Variants in PITPNC1 observed in about 807,000 individuals in gnomAD.
PITPNC1 encodes the protein cytoplasmic phosphatidylinositol transfer protein 1.
In PITPNC1, 18 loss-of-function variants were observed where a neutral mutation model predicts 44.7. That is an observed-to-expected ratio of 0.40 (90% CI 0.28 to 0.60). PITPNC1 has a LOEUF of 0.60. PITPNC1 is among the 20% of genes least tolerant of loss of function. The pLI is 0.39. For missense variants in PITPNC1, 290 were observed against 418.4 expected, an observed-to-expected ratio of 0.69 and a Z score of 2.68; for synonymous variants, 141 against 149.6, an observed-to-expected ratio of 0.94 and a Z score of 0.42.
At chr17:67,567,160 T>C (rs1256484462) in intron 4 of PITPNC1, among the ~76,000 whole-genome samples, 1 of 152,182 alleles carries the variant, frequency 6.6e-6, no homozygotes, top group Non-Finnish European at 1.5e-5. Context: ...CTTTGGATTG[T>C]CATTTTGACC....
intron 4 of PITPNC1, among the ~76,000 whole-genome samples, chr17:67,561,851 C>T (rs984926589): frequency 3.3e-5 from 5 of 152,238 alleles, no homozygotes; most frequent in African/African-American, 9.6e-5. Context: ...CTGCCTCAGC[C>T]TCCCAAAGTG....
intron 1 of PITPNC1, among the ~76,000 whole-genome samples, chr17:67,531,067 A>G (rs1037001230): frequency 2.0e-5 from 3 of 152,068 alleles, no homozygotes; most frequent in Admixed American, 2.0e-4. Context: ...ACATGGTGAG[A>G]CCCTGTCTCT....
intron 2 of PITPNC1, among the ~76,000 whole-genome samples, chr17:67,534,505 G>A (rs1004790901): frequency 6.6e-5 from 10 of 152,036 alleles, no homozygotes; most frequent in Non-Finnish European, 1.3e-4. Context: ...GGGCATGGTG[G>A]TGCGCACCTA....
At position 67,627,825 on chromosome 17, in the gene PITPNC1, A is replaced by C. The variant is rs538213393; in HGVS notation, c.367-4318A>C. Among the ~76,000 whole-genome samples the C allele has an allele frequency of 2.0e-5, 3 of 152,312 alleles. No individual in the cohort carries two copies. In the East Asian group the frequency reaches 5.8e-4, roughly 29 times the overall value. On this transcript the variant is annotated intron_variant, in intron 5 of 8. Coordinates refer to ENST00000581322, the MANE Select transcript of PITPNC1 (RefSeq NM_012417.4). Reference sequence around the variant, plus strand: ...TCAGCCTTGGTTTTCTCATCTGAAAAGCAGGAATAATATTAATATGGGCAT... The same window carrying C: ...TCAGCCTTGGTTTTCTCATCTGAAACGCAGGAATAATATTAATATGGGCAT...
At chr17:67,501,921 T>C (rs1375115299) in intron 1 of PITPNC1, among the ~76,000 whole-genome samples, 1 of 152,210 alleles carries the variant, frequency 6.6e-6, no homozygotes, top group Non-Finnish European at 1.5e-5. Flanking sequence ...GCTTTGTCGG[T>C]GCCTCAGTTT....
chr17:67,549,336 C>T (rs2040726778), intron 2 of PITPNC1, among the ~76,000 whole-genome samples: 1 of 152,144 alleles, frequency 6.6e-6, no homozygotes, highest in Non-Finnish European at 1.5e-5. Flanking sequence ...AAGATTGCGC[C>T]ACTGCACTCT....
At chr17:67,414,122 G>A (rs918894722) in intron 1 of PITPNC1, among the ~76,000 whole-genome samples, 1 of 150,604 alleles carries the variant, frequency 6.6e-6, no homozygotes, top group African/African-American at 2.4e-5. Context: ...TAGAGAGAAT[G>A]GTGTGTTGGA....
intron 1 of PITPNC1, among the ~76,000 whole-genome samples, chr17:67,386,213 C>T (rs550817947): frequency 1.3e-5 from 2 of 152,294 alleles, no homozygotes; most frequent in South Asian, 2.1e-4. Flanking sequence ...TATTTTGAGA[C>T]GGAGTTTTGC....
chr17:67,575,814 CTT>C (rs1491470842), intron 4 of PITPNC1, among the ~76,000 whole-genome samples: 1 of 118,258 alleles, frequency 8.5e-6, no homozygotes, highest in East Asian at 2.6e-4. Context: ...TTCTTTCTTT[CTT>C]TCTTTCCTTC....
chr17:67,618,986 G>C (rs1034271420), intron 5 of PITPNC1, among the ~76,000 whole-genome samples: 1 of 152,026 alleles, frequency 6.6e-6, no homozygotes, highest in Non-Finnish European at 1.5e-5. Context: ...GTGAACCCGG[G>C]AGGTGGATCT....
chr17:67,686,012 G>T (rs955032557), intron 8 of PITPNC1, among the ~76,000 whole-genome samples: 1 of 151,626 alleles, frequency 6.6e-6, no homozygotes, highest in African/African-American at 2.4e-5. Context: ...TGTATTTTTA[G>T]TAGAGACGGT....
chr17:67,676,139 G>A lies in PITPNC1; in HGVS notation c.682+597G>A, dbSNP rs1014465726. The stretch of plus-strand genomic sequence containing the variant: ...GGAGAATGGCATGAACCTGGGAGGC[G>A]GAGTTTGCAGTGAGCCGAGATCGCA... On this transcript the variant is annotated intron_variant, in intron 8 of 8. Coordinates refer to ENST00000581322, the MANE Select transcript of PITPNC1 (RefSeq NM_012417.4). This position sits in a 1 kb window ranked among gnomAD's most constrained non-coding sequence, Gnocchi z 4.0. Among the ~76,000 whole-genome samples the A allele has an allele frequency of 3.3e-5, 5 of 151,716 alleles. No homozygotes were observed. Among genetic ancestry groups the A allele is most frequent in the Non-Finnish European group, 2.9e-5 (2 of 67,924 alleles).
At chr17:67,442,389 A>G (rs2039028590) in intron 1 of PITPNC1, among the ~76,000 whole-genome samples, 1 of 150,976 alleles carries the variant, frequency 6.6e-6, no homozygotes, top group Non-Finnish European at 1.5e-5. Flanking sequence ...AAGCCCGCCC[A>G]GTGGATGAGG....
Position 67,692,705 on chromosome 17 carries a change from T to G in PITPNC1, c.816T>G (p.Pro272=). ...PLLPSSVRSA[P]SSAPSTPLST... ...TGCCTTCTTCCGTCCGCAGTGCGCC[T>G]TCTAGTGCTCCATCCACCCCTCTCT... The change falls in exon 9 of 9, where the codon CCT becomes CCG. Residue 272 remains proline (P), a synonymous_variant. Transcript: ENST00000581322. 6.2e-7 allele frequency: 1 copy of G among 1,613,852 alleles called. No individual in the cohort carries two copies. The highest frequency in any genetic ancestry group is 8.5e-7 in the Non-Finnish European group (1 of 1,179,812).
Position 67,511,024 on chromosome 17 carries a change from T to C in PITPNC1, c.49-21778T>C, listed in dbSNP as rs115809338. On this transcript the variant is annotated intron_variant, in intron 1 of 8. Transcript: ENST00000581322. ...TAATTGCCATTAACAATGGACAATATATTTTTTTAGATTTTTCTTTTTCTA... is the reference window on the plus strand; with the variant it reads ...TAATTGCCATTAACAATGGACAATACATTTTTTTAGATTTTTCTTTTTCTA... 5.8e-3 allele frequency among the ~76,000 whole-genome samples: 876 copies of C among 152,232 alleles called. 7 individuals carry two copies. The highest frequency in any genetic ancestry group is 0.02 in the African/African-American group (822 of 41,532).
intron 1 of PITPNC1, among the ~76,000 whole-genome samples, chr17:67,443,738 G>A (rs1023119111): frequency 2.7e-5 from 4 of 150,024 alleles, no homozygotes; most frequent in Non-Finnish European, 4.4e-5. Context: ...GGGTTCAAGC[G>A]ATTCTCCTGC....
chr17:67,387,024 G>A (rs914130899), intron 1 of PITPNC1, among the ~76,000 whole-genome samples: 1 of 152,188 alleles, frequency 6.6e-6, no homozygotes, highest in African/African-American at 2.4e-5. Flanking sequence ...CAAACCAATC[G>A]TATCTGGAAA....
chr17:67,396,200 A>C (rs1452104997), intron 1 of PITPNC1, among the ~76,000 whole-genome samples: 1 of 152,146 alleles, frequency 6.6e-6, no homozygotes, highest in African/African-American at 2.4e-5. Context: ...GTCCAAATGG[A>C]ATAATCCCCT....
intron 1 of PITPNC1, among the ~76,000 whole-genome samples, chr17:67,529,948 A>AAAAC (rs3048706): frequency 0.013 from 1,988 of 151,952 alleles, 43 homozygotes; most frequent in African/African-American, 0.045. Context: ...ACCCTGTCTC[A>AAAAC]AAACAAACAA....
Sources: gnomAD v4.1 joint callset for allele counts (sites outside exome capture counted in the v4.1 genomes callset) on GRCh38, gnomAD v4.1.1 for gene constraint, Gnocchi (gnomAD v3.1) non-coding constraint, MANE v1.5 for transcripts, NCBI Gene and HGNC (gene_info 2026-07-23, HGNC 2026-07-21) for gene names.